ITFG1: variants seen among roughly 807,000 people sequenced by gnomAD.
The protein encoded by ITFG1 is T-cell immunomodulatory protein.
ITFG1 carries 34 observed loss-of-function variants against 81.8 expected under a neutral mutation model. That is an observed-to-expected ratio of 0.42 (90% CI 0.32 to 0.55). The LOEUF (loss-of-function observed/expected upper bound fraction) is 0.55, where lower values mean the gene tolerates loss of function less well. ITFG1 is among the 20% of genes least tolerant of loss of function. The probability of loss-of-function intolerance (pLI) is 0.17; values close to 1 mark genes in which losing one functional copy is unlikely to be tolerated. For missense variants in ITFG1, 672 were observed against 755.4 expected, an observed-to-expected ratio of 0.89 and a Z score of 1.29; for synonymous variants, 285 against 270.6, an observed-to-expected ratio of 1.05 and a Z score of -0.52.
At chr16:47,354,533 A>C (rs374450833) in intron 8 of ITFG1, among the ~76,000 whole-genome samples, 18 of 152,276 alleles carry the variant, frequency 1.2e-4, no homozygotes, top group African/African-American at 4.3e-4. Flanking sequence ...CACAGGCAAC[A>C]AAAGCAAAAG....
intron 9 of ITFG1, 126 bp downstream of exon 9, chr16:47,313,603 A>C (rs1967302094): frequency 2.4e-6 from 1 of 413,970 alleles, no homozygotes; most frequent in Non-Finnish European, 4.3e-6. Context: ...AGTTAAAATG[A>C]GGAAGTCGGT....
At chr16:47,351,325 C>A (rs559584509) in intron 8 of ITFG1, among the ~76,000 whole-genome samples, 23 of 152,288 alleles carry the variant, frequency 1.5e-4, no homozygotes, top group East Asian at 1.2e-3. Context: ...TCGTCTCAGC[C>A]TAAAATCTCC....
At chr16:47,399,965 T>C (rs1202567806) in intron 6 of ITFG1, among the ~76,000 whole-genome samples, 1 of 152,212 alleles carries the variant, frequency 6.6e-6, no homozygotes, top group African/African-American at 2.4e-5. Flanking sequence ...ACAGCTAACC[T>C]TTATGATACA....
intron 10 of ITFG1, 27 bp downstream of exon 10, chr16:47,311,213 A>G: frequency 6.4e-7 from 1 of 1,552,338 alleles, no homozygotes; most frequent in South Asian, 1.2e-5. Context: ...GTTTACAAAT[A>G]TTTCTCACTT....
At chr16:47,224,900 G>A (rs1296792599) in intron 13 of ITFG1, among the ~76,000 whole-genome samples, 1 of 152,188 alleles carries the variant, frequency 6.6e-6, no homozygotes, top group Non-Finnish European at 1.5e-5. Flanking sequence ...TCAGGAGGCT[G>A]AGGTGGGAGG....
chr16:47,400,372 G>GACAC (rs140818900), intron 6 of ITFG1, among the ~76,000 whole-genome samples: 1 of 149,790 alleles, frequency 6.7e-6, no homozygotes. Context: ...CTGGGTGACA[G>GACAC]ACACACACAC....
chr16:47,162,651 G>C lies in ITFG1; in HGVS notation c.1467C>G (p.Ser489Arg). The C allele has an allele frequency of 6.2e-7, 1 of 1,600,086 alleles. No individual in the cohort carries two copies. The highest frequency in any genetic ancestry group is 8.5e-7 in the Non-Finnish European group (1 of 1,173,766). Residue 489 changes from serine to arginine, a missense_variant, in exon 15 of 18, where the codon AGC becomes AGG. Physicochemically the swap from Ser to Arg is moderately radical, Grantham distance 110. Coordinates refer to ENST00000320640, the MANE Select transcript of ITFG1 (RefSeq NM_030790.5). ...GTTGGAGAGCTAAATGTGCGGATTG[G>C]CTGAGTTGGCCAGCTAGAGTTATTC... ...YLKNGSAGQL[S>R]QSAHLALQLP...
At position 47,184,079 on chromosome 16, in the gene ITFG1, A is replaced by G. The variant is rs149695929; in HGVS notation, c.1454-21415T>C. Among the ~76,000 whole-genome samples, 310 of 152,284 alleles carry G rather than the reference A, an allele frequency of 2.0e-3. 4 individuals are homozygous for G. Among genetic ancestry groups the G allele is most frequent in the African/African-American group, 7.1e-3 (295 of 41,562 alleles). ...GAAGCGAGAAGGGAAGTTTAGAGAA[A>G]AAAGAATAAAAAGAAATGAGCAAAG... is the stretch of plus-strand genomic sequence containing the variant. On this transcript the variant is annotated intron_variant, in intron 14 of 17. Transcript: ENST00000320640.
intron 8 of ITFG1, among the ~76,000 whole-genome samples, chr16:47,358,145 C>T (rs1271449725): frequency 6.6e-6 from 1 of 152,196 alleles, no homozygotes; most frequent in Non-Finnish European, 1.5e-5. Flanking sequence ...AACACCTCAC[C>T]ACTTTGGGTG....
intron 9 of ITFG1, chr16:47,311,817 G>A (rs1034336688): frequency 6.5e-6 from 1 of 154,084 alleles, no homozygotes; most frequent in Admixed American, 6.5e-5. Context: ...GTGCTTTCGG[G>A]AGGACCAACT....
In ITFG1 at chr16:47,377,368, C is replaced by T. The variant is rs182618733; in HGVS notation, c.656-1428G>A. On this transcript the variant is annotated intron_variant, in intron 6 of 17. Coordinates refer to ENST00000320640, the MANE Select transcript of ITFG1 (RefSeq NM_030790.5). ...ACTGTTACTCATGCACTCCCAATGA[C>T]GTGTTACTTCCAAAGTCATTTGATC... is the stretch of plus-strand genomic sequence containing the variant. Among the ~76,000 whole-genome samples the T allele has an allele frequency of 1.4e-4, 22 of 152,218 alleles. No individual in the cohort carries two copies. In the East Asian group the frequency reaches 2.9e-3, roughly 20 times the overall value.
rs779921917 is a variant in ITFG1 at position 47,428,849 on chromosome 16, G to C, written c.610C>G (p.Pro204Ala). Residue 204 changes from proline (P) to alanine (A), a missense_variant, in exon 6 of 18, where the codon CCA becomes GCA. By Grantham distance (27) the Pro-to-Ala change is conservative. Transcript: ENST00000320640. Reference protein sequence around the residue: ...ALTTTSKMRIPHSHAFIDLTE... With the variant: ...ALTTTSKMRIAHSHAFIDLTE... ...AGATCAATAAATGCATGAGAATGTG[G>C]AATTCGCATTTTACTTGTAGTGGTC... 6.2e-7 allele frequency: 1 copy of C among 1,610,612 alleles called. No homozygotes were observed. The highest frequency in any genetic ancestry group is 8.5e-7 in the Non-Finnish European group (1 of 1,178,470).
At chr16:47,157,542 C>T (rs1964732316) in intron 17 of ITFG1, 1 of 152,092 alleles carries the variant, frequency 6.6e-6, no homozygotes. Flanking sequence ...AATTCATTTC[C>T]TTTGCTTCAC....
intron 14 of ITFG1, among the ~76,000 whole-genome samples, chr16:47,210,565 T>C (rs1046207214): frequency 2.0e-5 from 3 of 152,204 alleles, no homozygotes; most frequent in Non-Finnish European, 4.4e-5. Context: ...GGATCTTGCT[T>C]TTGGTGTAAA....
intron 6 of ITFG1, among the ~76,000 whole-genome samples, chr16:47,386,044 A>G (rs1163242249): frequency 1.3e-5 from 2 of 152,172 alleles, no homozygotes; most frequent in Non-Finnish European, 2.9e-5. Context: ...ACAAAAAAAC[A>G]TCTGTTATCC....
At chr16:47,290,006 G>A (rs748786164) in intron 10 of ITFG1, among the ~76,000 whole-genome samples, 2 of 151,762 alleles carry the variant, frequency 1.3e-5, no homozygotes, top group Non-Finnish European at 2.9e-5. Context: ...CACAGGTTTC[G>A]GTATGCTGTT....
intron 6 of ITFG1, among the ~76,000 whole-genome samples, chr16:47,400,919 CAA>C (rs770721282): frequency 5.3e-5 from 8 of 152,118 alleles, no homozygotes; most frequent in South Asian, 2.1e-4. Flanking sequence ...TAAGGTGCCA[CAA>C]AGAGATTTTA....
intron 8 of ITFG1, among the ~76,000 whole-genome samples, chr16:47,324,381 C>T (rs1596894958): frequency 1.3e-5 from 2 of 152,186 alleles, no homozygotes; most frequent in South Asian, 4.2e-4. Context: ...ACTGCAAAAA[C>T]ATGCCAAATT....
intron 12 of ITFG1, among the ~76,000 whole-genome samples, chr16:47,255,973 A>ATTT (rs1232589266): frequency 6.6e-6 from 1 of 151,822 alleles, no homozygotes; most frequent in South Asian, 2.1e-4. Flanking sequence ...ATTTTATTTT[A>ATTT]TTTTTTTATT....
Sources: gnomAD v4.1 joint callset for allele counts (sites outside exome capture counted in the v4.1 genomes callset) on GRCh38, gnomAD v4.1.1 for gene constraint, MANE v1.5 for transcripts, NCBI Gene and HGNC (gene_info 2026-07-23, HGNC 2026-07-21) for gene names.